The following ASB3 variants were observed in gnomAD, a reference collection of about 807,000 sequenced individuals.
ASB3 encodes ankyrin repeat and SOCS box protein 3.
ASB3 carries 41 observed loss-of-function variants against 54.5 expected under a neutral mutation model. The ratio of observed to expected loss-of-function variants is 0.75; its 90% CI spans 0.59 to 0.98. The LOEUF is 0.98. Ranked by LOEUF, ASB3 falls within the 50% of genes least tolerant of loss-of-function variation. The pLI is 0.00. For missense variants in ASB3, 733 were observed against 620.0 expected (o/e 1.18, Z -1.94); for synonymous variants, 266 against 221.2 (o/e 1.20, Z -1.80).
chr2:53,754,133 T>A (rs536608938), intron 2 of ASB3, among the ~76,000 whole-genome samples: 1 of 152,268 alleles, frequency 6.6e-6, no homozygotes, highest in African/African-American at 2.4e-5. Context: ...TGAAAGGGCA[T>A]CCTATGACCA....
chr2:53,725,489 A>G (rs1228357544), intron 5 of ASB3, among the ~76,000 whole-genome samples: 2 of 152,242 alleles, frequency 1.3e-5, no homozygotes, highest in Admixed American at 1.3e-4. Flanking sequence ...TAATTAAATT[A>G]TATATACGCC....
intron 1 of ASB3, among the ~76,000 whole-genome samples, chr2:53,766,185 G>A (rs1176624767): frequency 6.6e-6 from 1 of 152,128 alleles, no homozygotes; most frequent in African/African-American, 2.4e-5. Flanking sequence ...CACTGACTGA[G>A]CATACTGAAA....
intron 7 of ASB3, among the ~76,000 whole-genome samples, chr2:53,709,319 T>G (rs571699097): frequency 6.6e-6 from 1 of 152,238 alleles, no homozygotes; most frequent in African/African-American, 2.4e-5. Context: ...CACATGGTCA[T>G]GGTGTTAACC....
At chr2:53,686,604 G>A (rs548152012) in intron 9 of ASB3, among the ~76,000 whole-genome samples, 11 of 152,262 alleles carry the variant, frequency 7.2e-5, no homozygotes, top group African/African-American at 2.6e-4. Flanking sequence ...AAGTAGTTAT[G>A]TGGAAAGAGT....
At chr2:53,777,695 C>T (rs1674418413) in intron 1 of ASB3, among the ~76,000 whole-genome samples, 1 of 152,108 alleles carries the variant, frequency 6.6e-6, no homozygotes, top group South Asian at 2.1e-4. Context: ...ATACTTAGTC[C>T]AGGAGAAAAA....
chr2:53,782,693 G>A (rs1410082908), intron 1 of ASB3, among the ~76,000 whole-genome samples: 16 of 152,290 alleles, frequency 1.1e-4, no homozygotes. Flanking sequence ...GGTGGAAGGA[G>A]AGGAGGAAAG....
At chr2:53,738,097 T>C (rs984905194) in intron 3 of ASB3, among the ~76,000 whole-genome samples, 6 of 152,160 alleles carry the variant, frequency 3.9e-5, no homozygotes, top group East Asian at 1.9e-4. Flanking sequence ...CTCAATTAAA[T>C]TGTAAGCCCA....
intron 8 of ASB3, 61 bp downstream of exon 8, chr2:53,700,210 G>T: frequency 6.5e-7 from 1 of 1,550,288 alleles, no homozygotes. Context: ...TCAACTGAAG[G>T]AAATTAAAGG....
chr2:53,763,961 C>G lies in ASB3; in HGVS notation c.196+1416G>C, dbSNP rs185505600. Among the ~76,000 whole-genome samples the G allele has an allele frequency of 2.0e-5, 3 of 152,078 alleles. 1 individual carries two copies. Among genetic ancestry groups the G allele is most frequent in the South Asian group, 4.1e-4 (2 of 4,826 alleles). ...CATGTGATTTTAAAAACAATCATGACAAATTTCCTGCATTATGATTTAGGA... is the reference window on the plus strand; with the variant it reads ...CATGTGATTTTAAAAACAATCATGAGAAATTTCCTGCATTATGATTTAGGA... On this transcript the variant is annotated intron_variant, in intron 2 of 9. Coordinates refer to ENST00000263634, the MANE Select transcript of ASB3 (RefSeq NM_016115.5).
At chr2:53,719,644 C>T (rs1312891888) in intron 5 of ASB3, among the ~76,000 whole-genome samples, 1 of 151,830 alleles carries the variant, frequency 6.6e-6, no homozygotes, top group Non-Finnish European at 1.5e-5. Flanking sequence ...CACACATAAA[C>T]ACTCCAAGCT....
At chr2:53,732,049 C>A (rs1217781819) in intron 3 of ASB3, among the ~76,000 whole-genome samples, 1 of 152,088 alleles carries the variant, frequency 6.6e-6, no homozygotes, top group African/African-American at 2.4e-5. Context: ...CCTCCCTGTC[C>A]TGGGTTTCAT....
At chr2:53,757,774 C>T (rs1485233677) in intron 2 of ASB3, among the ~76,000 whole-genome samples, 1 of 152,156 alleles carries the variant, frequency 6.6e-6, no homozygotes, top group African/African-American at 2.4e-5. Flanking sequence ...TCCCCACCAC[C>T]CTTGCCAGGG....
At position 53,699,416 on chromosome 2, in the gene ASB3, C is replaced by T. The variant is rs77173509; in HGVS notation, c.1238+855G>A. Among the ~76,000 whole-genome samples, 1,405 of 152,250 alleles carry T rather than the reference C, an allele frequency of 9.2e-3. 16 individuals are homozygous for T. Among genetic ancestry groups the T allele is most frequent in the African/African-American group, 0.032 (1,335 of 41,540 alleles). On this transcript the variant is annotated intron_variant, in intron 8 of 9. Coordinates refer to ENST00000263634, the MANE Select transcript of ASB3 (RefSeq NM_016115.5). ...TAGAAACCAGAAAGGAGCATGAAGG[C>T]TGAAAGTACTGGGCAAGTCATATCG...
At position 53,755,986 on chromosome 2, in the gene ASB3, C is replaced by G. The variant is rs564332329; in HGVS notation, c.197-5045G>C. ...TGGACAAAATAGTAAGACCCCCCCC[C>G]CACCTCTACAAAATATAGAAAATAA... On this transcript the variant is annotated intron_variant, in intron 2 of 9. Transcript: ENST00000263634. 2.0e-5 allele frequency among the ~76,000 whole-genome samples: 3 copies of G among 151,534 alleles called. No homozygotes were observed. The South Asian group carries it at 6.3e-4, about 32-fold the overall frequency.
At chr2:53,674,147 T>C (rs1667961020) in intron 9 of ASB3, among the ~76,000 whole-genome samples, 1 of 152,210 alleles carries the variant, frequency 6.6e-6, no homozygotes, top group Non-Finnish European at 1.5e-5. Flanking sequence ...ACAGAAGCTG[T>C]ATGTAAAACA....
chr2:53,695,301 A>G (rs1669125806), intron 8 of ASB3, among the ~76,000 whole-genome samples: 1 of 152,168 alleles, frequency 6.6e-6, no homozygotes, highest in South Asian at 2.1e-4. Context: ...GCAAACATCT[A>G]AGGAAGAACT....
chr2:53,718,490 C>T (rs1670520333), intron 5 of ASB3, among the ~76,000 whole-genome samples: 1 of 152,096 alleles, frequency 6.6e-6, no homozygotes, highest in Non-Finnish European at 1.5e-5. Flanking sequence ...TACCACTAGA[C>T]CAGTCTTAGC....
intron 1 of ASB3, among the ~76,000 whole-genome samples, chr2:53,781,141 C>A (rs1674620158): frequency 6.6e-6 from 1 of 152,136 alleles, no homozygotes; most frequent in South Asian, 2.1e-4. Flanking sequence ...GGGCAAGTGG[C>A]TCACACCTGT....
chr2:53,707,561 G>A (rs1669850333), intron 7 of ASB3, among the ~76,000 whole-genome samples: 1 of 151,854 alleles, frequency 6.6e-6, no homozygotes, highest in African/African-American at 2.4e-5. Context: ...GGTGGAGAAT[G>A]GCATGAACCC....
Sources: allele counts gnomAD v4.1 joint callset (sites outside exome capture counted in the v4.1 genomes callset), GRCh38; gene constraint gnomAD v4.1.1; transcripts MANE v1.5; gene names NCBI Gene and HGNC (gene_info 2026-07-23, HGNC 2026-07-21).